The following ZBTB48 variants were observed in gnomAD, a reference collection of about 807,000 sequenced individuals.
ZBTB48 encodes zinc finger and BTB domain-containing protein 48.
ZBTB48 carries 35 observed loss-of-function variants against 64.5 expected under a neutral mutation model. That is an observed-to-expected ratio of 0.54 (90% CI 0.41 to 0.72). ZBTB48 has a LOEUF of 0.72. Among genes scored for constraint, ZBTB48 ranks in the 30% least tolerant of loss-of-function variants. The probability of loss-of-function intolerance (pLI) is 0.00; values close to 1 mark genes in which losing one functional copy is unlikely to be tolerated. For missense variants in ZBTB48, 828 were observed against 895.3 expected (o/e 0.92, Z 0.96); for synonymous variants, 442 against 356.7 (o/e 1.24, Z -2.70).
At position 6,589,146 on chromosome 1, in the gene ZBTB48, C is replaced by T. The variant is rs577876105; in HGVS notation, c.2001C>T (p.Thr667=). The T allele has an allele frequency of 3.0e-5, 47 of 1,583,334 alleles. No individual in the cohort carries two copies. Among genetic ancestry groups the T allele is most frequent in the Non-Finnish European group, 3.5e-5 (41 of 1,167,680 alleles). ...GACTGTGTGCAGAGGAGAGCTTCAC[C>T]GGCCCAGGTGTCCTGGAGCCCTCCC... The part of the protein sequence containing the change: ...GQRLCAEESF[T]GPGVLEPSLI... The change falls in exon 11 of 11, where the codon ACC becomes ACT. Residue 667 remains threonine (T), a synonymous_variant. Transcript: ENST00000377674.
chr1:6,584,252 A>T lies in ZBTB48; in HGVS notation c.933-1667A>T, dbSNP rs957449868. Among the ~76,000 whole-genome samples, 2 of 152,274 alleles carry T rather than the reference A, an allele frequency of 1.3e-5. No homozygotes were observed. Among genetic ancestry groups the T allele is most frequent in the Non-Finnish European group, 2.9e-5 (2 of 68,048 alleles). On this transcript the variant is annotated intron_variant, in intron 3 of 10. Coordinates refer to ENST00000377674, the MANE Select transcript of ZBTB48 (RefSeq NM_005341.4). This position sits in a 1 kb window ranked among gnomAD's most constrained non-coding sequence, Gnocchi z 4.5. The stretch of plus-strand genomic sequence containing the variant: ...TTAACTTAAAATTTAAAATTAAATA[A>T]AAATTCAGTTCCTCAGATACGTTAG...
chr1:6,580,769 C>T lies in ZBTB48; in HGVS notation c.160C>T (p.Leu54Phe). ...LACCSHFFQS[L>F]YGDGSGGSVV... is the part of the protein sequence containing the mutation. The stretch of plus-strand genomic sequence containing the variant: ...CTGCTGCAGTCACTTTTTCCAGAGC[C>T]TCTACGGGGATGGCTCAGGGGGCAG... Residue 54 changes from leucine to phenylalanine, a missense_variant, in exon 2 of 11, where the codon CTC becomes TTC. Coordinates refer to ENST00000377674, the MANE Select transcript of ZBTB48 (RefSeq NM_005341.4). The surrounding 1 kb of genome is among the most constrained non-coding windows in gnomAD (Gnocchi z 5.2). 1.2e-6 allele frequency: 2 copies of T among 1,614,234 alleles called. No individual in the cohort carries two copies. The highest frequency in any genetic ancestry group is 1.1e-5 in the South Asian group (1 of 91,086).
rs768162675 is a variant in ZBTB48 at position 6,582,193 on chromosome 1, C to G, written c.826C>G (p.Leu276Val). The change falls in exon 3 of 11, where the codon CTA becomes GTA. Residue 276 changes from leucine (L) to valine (V), a missense_variant. Physicochemically the swap from Leu to Val is conservative, Grantham distance 32. Transcript: ENST00000377674. ...AAEPALSAGS[L>V]AAEPAENRKG... ...TGAGCCAGCCCTGAGCGCGGGCTCC[C>G]TAGCAGCTGAGCCTGCTGAGAACAG... 9 of 1,614,096 alleles carry G rather than the reference C, an allele frequency of 5.6e-6. No homozygotes were observed. In the East Asian group the frequency reaches 1.8e-4, roughly 32 times the overall value.
At chr1:6,588,727 G>T (rs772429770) in intron 9 of ZBTB48, 29 bp from the exon 10 acceptor site, 1 of 1,613,746 alleles carries the variant, frequency 6.2e-7, no homozygotes, top group Non-Finnish European at 8.5e-7. Context: ...GCTCCTGCAT[G>T]ATCCCCCACG....
In ZBTB48 at chr1:6,587,292, G is replaced by C; in HGVS notation, c.1224+1G>C. The C allele has an allele frequency of 1.9e-6, 3 of 1,614,058 alleles. No individual in the cohort carries two copies. The highest frequency in any genetic ancestry group is 1.1e-5 in the South Asian group (1 of 91,084). ...TCATGGAGCCCCCAAGCCCCATGCA[G>C]TAAGTGACAGGGAGGGCTGGGCATG... On this transcript the variant is annotated splice_donor_variant, in intron 6 of 10. Coordinates refer to ENST00000377674, the MANE Select transcript of ZBTB48 (RefSeq NM_005341.4). LOFTEE classifies it high-confidence loss of function.
Position 6,582,412 on chromosome 1 carries a change from C to T in ZBTB48, c.932+113C>T, listed in dbSNP as rs538885001. ...TAGGGGCTGGGGGATCCATCTCAGA[C>T]CCACATAGTGTCTGGCCTTGGTACA... On this transcript the variant is annotated intron_variant, in intron 3 of 10. Coordinates refer to ENST00000377674, the MANE Select transcript of ZBTB48 (RefSeq NM_005341.4). 40 of 1,385,422 alleles carry T rather than the reference C, an allele frequency of 2.9e-5. No individual in the cohort carries two copies. The East Asian group carries it at 6.5e-4, about 22-fold the overall frequency. The allele number at this position is 1,385,422 out of a possible 1,614,324, so 85.8% of individuals were successfully genotyped here. A position where few individuals can be genotyped will look rare whatever the true frequency, so the allele number is the denominator to read the frequency against.
Position 6,587,251 on chromosome 1 carries a change from G to C in ZBTB48, c.1184G>C (p.Ser395Thr), listed in dbSNP as rs758486159. Reference sequence around the variant, plus strand: ...TTCATGCAGAAGAAGGACTTGCAGAGCCACATGATCAAACTTCATGGAGCC... The same window carrying C: ...TTCATGCAGAAGAAGGACTTGCAGACCCACATGATCAAACTTCATGGAGCC... Reference protein sequence around the residue: ...QQFMQKKDLQSHMIKLHGAPK... With the variant: ...QQFMQKKDLQTHMIKLHGAPK... Residue 395 changes from serine to threonine, a missense_variant, in exon 6 of 11, where the codon AGC becomes ACC. By Grantham distance (58) the Ser-to-Thr change is moderately conservative. Transcript: ENST00000377674. The C allele has an allele frequency of 6.8e-6, 11 of 1,614,086 alleles. No individual in the cohort carries two copies. The highest frequency in any genetic ancestry group is 9.3e-6 in the Non-Finnish European group (11 of 1,180,040).
In ZBTB48 at chr1:6,581,208, G is replaced by C. The variant is rs140844557; in HGVS notation, c.599G>C (p.Cys200Ser). 8.7e-6 allele frequency: 14 copies of C among 1,613,320 alleles called. No individual in the cohort carries two copies. The East Asian group carries it at 3.1e-4, about 36-fold the overall frequency. Residue 200 changes from cysteine to serine, a missense_variant, in exon 2 of 11, where the codon TGT (cysteine) becomes TCT (serine). Cys to Ser is a moderately radical substitution (Grantham distance 112). Transcript: ENST00000377674. ...CGKLKQALKP[C>S]PLEDKKPEDC... ...AAACTGAAGCAGGCCTTGAAGCCTT[G>C]TCCCCTTGAGGACAAGAAACCCGAG...
At position 6,588,452 on chromosome 1, in the gene ZBTB48, C is replaced by T. The variant is rs1411803088; in HGVS notation, c.1681+10C>T. 4.0e-6 allele frequency: 6 copies of T among 1,506,310 alleles called. No individual in the cohort carries two copies. Among genetic ancestry groups the T allele is most frequent in the Non-Finnish European group, 5.3e-6 (6 of 1,125,898 alleles). The allele number at this position is 1,506,310 out of a possible 1,614,324, so 93.3% of individuals were successfully genotyped here. A position where few individuals can be genotyped will look rare whatever the true frequency, so the allele number is the denominator to read the frequency against. ...GGCAAGACCTTCAAAGGTACCTGGG[C>T]GGCCCTGGGAGAGCCATTTCCTGCT... On this transcript the variant is annotated intron_variant, in intron 9 of 10. Transcript: ENST00000377674.
Position 6,582,252 on chromosome 1 carries a change from A to T in ZBTB48, c.885A>T (p.Thr295=). 1 of 1,613,414 alleles carries T rather than the reference A, an allele frequency of 6.2e-7. No individual in the cohort carries two copies. The highest frequency in any genetic ancestry group is 8.5e-7 in the Non-Finnish European group (1 of 1,179,412). ...KGTAVPVECP[T]CHKKFLSKYY... ...CAGCGGTGCCGGTCGAATGCCCCAC[A>T]TGTCATAAAAAGTTCCTCAGCAAAT... The change falls in exon 3 of 11, where the codon ACA becomes ACT. Residue 295 remains threonine, a synonymous_variant. Transcript: ENST00000377674.
rs1158576750 is a variant in ZBTB48 at position 6,582,370 on chromosome 1, C to T, written c.932+71C>T. ...ACGTTGGGGGAGGGGTCCTGCACTT[C>T]CCACTTCTGGGTGAGGTAGGGGCTG... On this transcript the variant is annotated intron_variant, in intron 3 of 10. Transcript: ENST00000377674. The T allele has an allele frequency of 5.1e-6, 8 of 1,560,388 alleles. No homozygotes were observed. In the East Asian group the frequency reaches 1.8e-4, roughly 35 times the overall value.
At position 6,586,014 on chromosome 1, in the gene ZBTB48, T is replaced by A. The variant is rs745428522; in HGVS notation, c.1028T>A (p.Met343Lys). 2.5e-6 allele frequency: 4 copies of A among 1,614,140 alleles called. No homozygotes were observed. The highest frequency in any genetic ancestry group is 2.2e-5 in the East Asian group (1 of 44,884). ...CTGGAGCATGAAGCCCGGAATTGCA[T>A]GAACCGCTCGGAACAGGTACTTGGG... ...NLLEHEARNCMNRSEQVFTCS... is the reference protein window; with the variant it reads ...NLLEHEARNCKNRSEQVFTCS... The change falls in exon 4 of 11, where the codon ATG becomes AAG. Residue 343 changes from methionine to lysine, a missense_variant. Transcript: ENST00000377674.
In ZBTB48 at chr1:6,580,817, G is replaced by A. The variant is rs371665019; in HGVS notation, c.208G>A (p.Ala70Thr). ...CAGTGTCGTCCTCCCTGCTGGCTTC[G>A]CTGAGATCTTTGGCCTCTTGTTGGA... is the stretch of plus-strand genomic sequence containing the variant. ...GGSVVLPAGF[A>T]EIFGLLLDFF... The change falls in exon 2 of 11, where the codon GCT becomes ACT. Residue 70 changes from alanine to threonine, a missense_variant. Transcript: ENST00000377674. The surrounding 1 kb of genome is among the most constrained non-coding windows in gnomAD (Gnocchi z 5.2). 3.7e-6 allele frequency: 6 copies of A among 1,614,088 alleles called. No homozygotes were observed. In the African/African-American group the frequency reaches 8.0e-5, roughly 22 times the overall value.
In ZBTB48 at chr1:6,588,939, G is replaced by T; in HGVS notation, c.1794G>T (p.Glu598Asp). The change falls in exon 11 of 11, where the codon GAG becomes GAT. Residue 598 changes from glutamate to aspartate, a missense_variant. Glu to Asp is a conservative substitution (Grantham distance 45). Coordinates refer to ENST00000377674, the MANE Select transcript of ZBTB48 (RefSeq NM_005341.4). ...AGGCCCACCTGCGGAGGCACATGGAGATCCACGACCGGGTAGAGAACTACA... is the reference window on the plus strand; with the variant it reads ...AGGCCCACCTGCGGAGGCACATGGATATCCACGACCGGGTAGAGAACTACA... ...TRQAHLRRHM[E>D]IHDRVENYNP... The T allele has an allele frequency of 2.5e-6, 4 of 1,611,894 alleles. No individual in the cohort carries two copies. The highest frequency in any genetic ancestry group is 3.4e-6 in the Non-Finnish European group (4 of 1,178,700).
At position 6,580,930 on chromosome 1, in the gene ZBTB48, C is replaced by T. The variant is rs1640424711; in HGVS notation, c.321C>T (p.Ala107=). ...LAARELRVPE[A]VELCQSFKPK... ...CCAGGGAGTTGCGAGTGCCAGAGGCCGTAGAGCTGTGCCAGAGCTTCAAGC... is the reference window on the plus strand; with the variant it reads ...CCAGGGAGTTGCGAGTGCCAGAGGCTGTAGAGCTGTGCCAGAGCTTCAAGC... The change falls in exon 2 of 11, where the codon GCC becomes GCT. Residue 107 remains alanine (A), a synonymous_variant. Transcript: ENST00000377674. The surrounding 1 kb of genome is among the most constrained non-coding windows in gnomAD (Gnocchi z 5.2). The T allele has an allele frequency of 1.9e-6, 3 of 1,614,000 alleles. No individual in the cohort carries two copies. Among genetic ancestry groups the T allele is most frequent in the Non-Finnish European group, 2.5e-6 (3 of 1,180,020 alleles).
In ZBTB48 at chr1:6,587,765, A is replaced by G. The variant is rs538070637; in HGVS notation, c.1379+133A>G. 4.2e-6 allele frequency: 6 copies of G among 1,428,320 alleles called. No homozygotes were observed. The East Asian group carries it at 7.4e-5, about 18-fold the overall frequency. 88.5% of individuals were successfully genotyped at this position (1,428,320 alleles called of 1,614,324 possible). A position where few individuals can be genotyped will look rare whatever the true frequency, so the allele number is the denominator to read the frequency against. On this transcript the variant is annotated intron_variant, in intron 7 of 10. Coordinates refer to ENST00000377674, the MANE Select transcript of ZBTB48 (RefSeq NM_005341.4). ...GGCCTCCACCCTGAATCTAGTGCCT[A>G]CAGCCTCTCTGGGATAGTGGGACCT...
chr1:6,580,493 G>T lies in ZBTB48; in HGVS notation c.-69-48G>T. The T allele has an allele frequency of 9.2e-7, 1 of 1,084,758 alleles. No individual in the cohort carries two copies. The highest frequency in any genetic ancestry group is 1.6e-5 in the South Asian group (1 of 62,702). The allele number at this position is 1,084,758 out of a possible 1,614,324, so 67.2% of individuals were successfully genotyped here. On this transcript the variant is annotated intron_variant, in intron 1 of 10. Transcript: ENST00000377674. The surrounding 1 kb of genome is among the most constrained non-coding windows in gnomAD (Gnocchi z 5.2). ...CCCAAGCCCTCGTGCTGATAAATAT[G>T]ATTATTTGAGTAGAGGCCAACTTCC...
intron 4 of ZBTB48, 31 bp from the exon 5 acceptor site, chr1:6,586,664 T>C (rs749226229): frequency 1.1e-4 from 174 of 1,516,902 alleles, no homozygotes; most frequent in Middle Eastern, 8.9e-4. Context: ...CCCCCGCTGA[T>C]GCCGGCCCTG....
chr1:6,582,129 C>G lies in ZBTB48; in HGVS notation c.762C>G (p.Thr254=), dbSNP rs368562385. The G allele has an allele frequency of 5.6e-6, 9 of 1,614,148 alleles. No homozygotes were observed. The highest frequency in any genetic ancestry group is 7.6e-6 in the Non-Finnish European group (9 of 1,180,024). Residue 254 remains threonine (T), a synonymous_variant, in exon 3 of 11, where the codon ACC becomes ACG. Coordinates refer to ENST00000377674, the MANE Select transcript of ZBTB48 (RefSeq NM_005341.4). ...DYMSEPEAVL[T]RRKSNVIRKP... is the part of the protein sequence containing the mutation. ...TGTCTGAGCCTGAGGCTGTGCTGAC[C>G]AGGAGGAAGTCAAATGTAATCCGAA...
Sources: allele counts gnomAD v4.1 joint callset (sites outside exome capture counted in the v4.1 genomes callset), GRCh38; gene constraint gnomAD v4.1.1; non-coding constraint Gnocchi (gnomAD v3.1); transcripts MANE v1.5; gene names NCBI Gene and HGNC (gene_info 2026-07-23, HGNC 2026-07-21).